Variants in DAB1 observed in about 807,000 individuals in gnomAD.
DAB1 encodes the protein DAB adaptor protein 1, also known as disabled homolog 1.
DAB1 carries 15 observed loss-of-function variants against 64.6 expected under a neutral mutation model. That is an observed-to-expected ratio of 0.23 (90% CI 0.16 to 0.36). The LOEUF is 0.36. Among genes scored for constraint, DAB1 ranks in the 10% least tolerant of loss-of-function variants. The pLI, the probability that DAB1 is intolerant of heterozygous loss-of-function variation, is 1.00. For synonymous variants in DAB1, 235 were observed against 251.9 expected (o/e 0.93, Z 0.64); for missense variants, 596 against 706.7 (o/e 0.84, Z 1.78).
chr1:57,529,852 A>C (rs760307567), intron 7 of DAB1, among the ~76,000 whole-genome samples: 2 of 152,166 alleles, frequency 1.3e-5, no homozygotes, highest in Non-Finnish European at 2.9e-5. Flanking sequence ...ATAATTCTAT[A>C]GATCAATGTT....
chr1:58,274,895 G>A (rs1011611341), intron 4 of DAB1, among the ~76,000 whole-genome samples: 8 of 151,852 alleles, frequency 5.3e-5, no homozygotes, highest in South Asian at 2.1e-4. Flanking sequence ...ACTGGCCTGC[G>A]CCCACTGTCT....
intron 3 of DAB1, among the ~76,000 whole-genome samples, chr1:58,455,483 T>C (rs779234785): frequency 9.2e-5 from 14 of 152,166 alleles, no homozygotes; most frequent in East Asian, 1.9e-4. Context: ...CTTGGCAGAA[T>C]TGGAAATGAA....
chr1:57,768,903 A>G (rs957727218), intron 6 of DAB1, among the ~76,000 whole-genome samples: 1 of 152,154 alleles, frequency 6.6e-6, no homozygotes, highest in Admixed American at 6.6e-5. Flanking sequence ...AGAGCTCTTC[A>G]TTAGATATTT....
At chr1:57,052,323 A>G (rs1228940599) in intron 9 of DAB1, among the ~76,000 whole-genome samples, 1 of 152,180 alleles carries the variant, frequency 6.6e-6, no homozygotes, top group Non-Finnish European at 1.5e-5. Context: ...GTCATATCTG[A>G]TCATCAGAAT....
intron 4 of DAB1, among the ~76,000 whole-genome samples, chr1:58,189,638 C>G (rs1191446296): frequency 6.6e-6 from 1 of 152,246 alleles, no homozygotes; most frequent in Non-Finnish European, 1.5e-5. Flanking sequence ...AGCAGGCAAA[C>G]TGACAGCACT....
chr1:57,335,007 C>T (rs1413302623), intron 1 of DAB1, among the ~76,000 whole-genome samples: 1 of 152,122 alleles, frequency 6.6e-6, no homozygotes, highest in Non-Finnish European at 1.5e-5. Flanking sequence ...CAAACCATAG[C>T]CTTTTGATTT....
intron 7 of DAB1, among the ~76,000 whole-genome samples, chr1:57,607,834 G>A (rs1448880854): frequency 6.6e-6 from 1 of 152,186 alleles, no homozygotes; most frequent in Non-Finnish European, 1.5e-5. Flanking sequence ...AAGTCTGAAG[G>A]CAGATGGGTG....
chr1:57,907,571 C>A (rs1468514234), intron 5 of DAB1, among the ~76,000 whole-genome samples: 2 of 152,038 alleles, frequency 1.3e-5, no homozygotes, highest in Non-Finnish European at 2.9e-5. Flanking sequence ...TGTCAACGAC[C>A]CTATGAGATA....
chr1:57,030,205 C>T (rs1646924693), intron 9 of DAB1, among the ~76,000 whole-genome samples: 2 of 152,202 alleles, frequency 1.3e-5, no homozygotes, highest in East Asian at 1.9e-4. Context: ...TTGCATCTTC[C>T]TCATTTTCTC....
intron 5 of DAB1, among the ~76,000 whole-genome samples, chr1:58,093,542 A>G (rs1427398235): frequency 2.0e-5 from 3 of 152,044 alleles, no homozygotes; most frequent in Non-Finnish European, 4.4e-5. Flanking sequence ...TGAGAATCTA[A>G]TGTCTGATGG....
At chr1:57,953,378 G>C (rs71642145) in intron 5 of DAB1, among the ~76,000 whole-genome samples, 9,178 of 152,278 alleles carry the variant, frequency 0.06, 348 homozygotes, top group Non-Finnish European at 0.094. Context: ...TTGCCTGCTA[G>C]TGTTTGCTTT....
chr1:58,061,571 C>T (rs1364311124), intron 5 of DAB1, among the ~76,000 whole-genome samples: 1 of 152,162 alleles, frequency 6.6e-6, no homozygotes, highest in African/African-American at 2.4e-5. Flanking sequence ...AACCACCCCC[C>T]AACAATGGCT....
rs184570229 is a variant in DAB1 at position 58,383,766 on chromosome 1, C to G, written n.258-40363G>C. ...CATCTACCTCTAGGTTAAAATTAATCTTCCCTTTCATCTGCCGATGAGCAC... is the reference window on the plus strand; with the variant it reads ...CATCTACCTCTAGGTTAAAATTAATGTTCCCTTTCATCTGCCGATGAGCAC... On this transcript the variant is annotated intron_variant and non_coding_transcript_variant, in intron 3 of 20. Coordinates refer to the DAB1 transcript ENST00000485760. Among the ~76,000 whole-genome samples the G allele has an allele frequency of 1.3e-3, 199 of 152,304 alleles. 1 individual carries two copies. The Middle Eastern group carries it at 0.02, about 16-fold the overall frequency.
At chr1:57,689,876 T>C (rs1045336690) in intron 6 of DAB1, among the ~76,000 whole-genome samples, 4 of 152,196 alleles carry the variant, frequency 2.6e-5, no homozygotes, top group African/African-American at 9.6e-5. Flanking sequence ...CTTTTTTCCA[T>C]TAACTATCCC....
intron 6 of DAB1, among the ~76,000 whole-genome samples, chr1:57,750,357 C>G (rs576419706): frequency 6.6e-6 from 1 of 152,260 alleles, no homozygotes; most frequent in Admixed American, 6.5e-5. Flanking sequence ...AGCTTTGTTA[C>G]AGACATTTTG....
intron 3 of DAB1, among the ~76,000 whole-genome samples, chr1:58,410,437 A>G (rs771318689): frequency 6.6e-6 from 1 of 152,170 alleles, no homozygotes; most frequent in Non-Finnish European, 1.5e-5. Flanking sequence ...GATCTGGGAA[A>G]GGGAATGGGA....
chr1:57,071,560 C>A lies in DAB1; in HGVS notation c.520G>T (p.Ala174Ser). The A allele has an allele frequency of 4.3e-6, 7 of 1,613,822 alleles. No individual in the cohort carries two copies. The highest frequency in any genetic ancestry group is 1.1e-5 in the South Asian group (1 of 91,056). Residue 174 changes from alanine to serine, a missense_variant, in exon 6 of 15, where the codon GCA becomes TCA. This residue lies in a region of DAB1 where 176 missense variants were observed against 266.7 expected (regional missense o/e 0.66). Coordinates refer to ENST00000371236, the MANE Select transcript of DAB1 (RefSeq NM_001365792.1). ...LKQREELEKK[A>S]QKDKQCEQAV... ...TGTTCACACTGCTTATCCTTTTGTG[C>A]CTTTTTTTCTAATTCTTCTCTTTGC...
intron 6 of DAB1, among the ~76,000 whole-genome samples, chr1:57,802,889 G>A (rs1651194563): frequency 1.3e-5 from 2 of 152,174 alleles, no homozygotes; most frequent in Admixed American, 1.3e-4. Context: ...CAGATTAACA[G>A]TCTGTCATGG....
chr1:57,097,979 G>A (rs548831035), intron 4 of DAB1, among the ~76,000 whole-genome samples: 37 of 152,096 alleles, frequency 2.4e-4, no homozygotes, highest in East Asian at 3.9e-4. Flanking sequence ...GGGTTTCACC[G>A]TGTTAGCCAG....
Sources: allele counts gnomAD v4.1 joint callset (sites outside exome capture counted in the v4.1 genomes callset), GRCh38; gene constraint gnomAD v4.1.1; regional missense constraint gnomAD v4.1.1; transcripts MANE v1.5; gene names NCBI Gene and HGNC (gene_info 2026-07-23, HGNC 2026-07-21).